Variants in ZFPL1 observed in about 807,000 individuals in gnomAD.
ZFPL1 encodes zinc finger protein-like 1.
ZFPL1 carries 28 observed loss-of-function variants against 32.0 expected under a neutral mutation model. The ratio of observed to expected loss-of-function variants is 0.87; its 90% CI spans 0.65 to 1.20. The LOEUF (loss-of-function observed/expected upper bound fraction) is 1.20, where lower values mean the gene tolerates loss of function less well. ZFPL1 is among the 50% of genes most tolerant of loss of function. ZFPL1 has a pLI of 0.00. For synonymous variants in ZFPL1, 165 were observed against 177.0 expected, an observed-to-expected ratio of 0.93 and a Z score of 0.54; for missense variants, 386 against 424.8, an observed-to-expected ratio of 0.91 and a Z score of 0.80.
chr11:65,086,341 G>A (rs1233296475), intron 3 of ZFPL1, 74 bp from the exon 4 acceptor site: 2 of 1,561,004 alleles, frequency 1.3e-6, no homozygotes, highest in Non-Finnish European at 1.8e-6. Context: ...AATGGTCTGG[G>A]GACTATTGCT....
Position 65,087,332 on chromosome 11 carries a change from T to C in ZFPL1, c.645T>C (p.Tyr215=). ...ACCCTGTAGCCCCTAGGAAGGTGTA[T>C]GATACGCGGGATGATGACCGGACAC... ...EPLTHAPRKV[Y]DTRDDDRTPG... is the part of the protein sequence containing the mutation. Residue 215 remains tyrosine, a synonymous_variant, in exon 7 of 8, where the codon TAT becomes TAC. Transcript: ENST00000294258. The C allele has an allele frequency of 6.2e-7, 1 of 1,614,076 alleles. No individual in the cohort carries two copies. The highest frequency in any genetic ancestry group is 8.5e-7 in the Non-Finnish European group (1 of 1,180,006).
intron 3 of ZFPL1, 79 bp from the exon 4 acceptor site, chr11:65,086,336 T>G (rs943909373): frequency 6.4e-7 from 1 of 1,562,502 alleles, no homozygotes; most frequent in Non-Finnish European, 8.8e-7. Flanking sequence ...CCTGCAATGG[T>G]CTGGGGACTA....
intron 7 of ZFPL1, 108 bp from the exon 8 acceptor site, chr11:65,087,820 C>A: frequency 8.3e-7 from 1 of 1,207,296 alleles, no homozygotes; most frequent in Non-Finnish European, 1.1e-6. Flanking sequence ...CCCTGAGGCA[C>A]AGACGAGGAG....
At chr11:65,084,531 G>C (rs974122382) in intron 1 of ZFPL1, 153 bp downstream of exon 1, 3 of 641,608 alleles carry the variant, frequency 4.7e-6, no homozygotes, top group Non-Finnish European at 8.0e-6. Context: ...GATTTATGCA[G>C]GGGGTGTTTC....
chr11:65,087,117 G>A, intron 6 of ZFPL1, 43 bp downstream of exon 6: 1 of 1,595,252 alleles, frequency 6.3e-7, no homozygotes. Context: ...ATAGGAAGAG[G>A]GTGGAATGGT....
chr11:65,088,349 C>G lies in ZFPL1; in HGVS notation c.*235C>G. Reference sequence around the variant, plus strand: ...CCCGGGTCTCCAGCCTCCGACCCCTCGCCCCATGAAGGAGCTGGCAGGTGG... The same window carrying G: ...CCCGGGTCTCCAGCCTCCGACCCCTGGCCCCATGAAGGAGCTGGCAGGTGG... On this transcript the variant is annotated 3_prime_UTR_variant, in exon 8 of 8. Transcript: ENST00000294258. The G allele has an allele frequency of 7.8e-7, 1 of 1,279,222 alleles. No individual in the cohort carries two copies. The highest frequency in any genetic ancestry group is 1.1e-6 in the Non-Finnish European group (1 of 913,428). The allele number at this position is 1,279,222 out of a possible 1,614,324, so 79.2% of individuals were successfully genotyped here.
chr11:65,086,122 TATG>T, intron 3 of ZFPL1: 1 of 497,892 alleles, frequency 2.0e-6, no homozygotes, highest in East Asian at 3.8e-5. Flanking sequence ...GCCCAAAGAA[TATG>T]ATGAGTGCAG....
In ZFPL1 at chr11:65,084,710, T is replaced by C. The variant is rs750651814; in HGVS notation, c.12T>C (p.Cys4=). The change falls in exon 2 of 8, where the codon TGT becomes TGC. Residue 4 remains cysteine, a synonymous_variant. Transcript: ENST00000294258. MGL[C]KCPKRKVTNL... ...TCCCAGGATCGATCATGGGGCTTTG[T>C]AAGTGCCCCAAGAGAAAGGTGACCA... The C allele has an allele frequency of 5.0e-6, 8 of 1,614,136 alleles. No individual in the cohort carries two copies. In the South Asian group the frequency reaches 7.7e-5, roughly 16 times the overall value.
Position 65,087,907 on chromosome 11 carries a change from AT to A in ZFPL1, c.747-17del. 1.3e-6 allele frequency: 2 copies of A among 1,542,306 alleles called. No individual in the cohort carries two copies. Among genetic ancestry groups the A allele is most frequent in the Non-Finnish European group, 8.6e-7 (1 of 1,158,984 alleles). On this transcript the variant is annotated intron_variant, in intron 7 of 7. Coordinates refer to ENST00000294258, the MANE Select transcript of ZFPL1 (RefSeq NM_006782.4). ...CCACCAGGGACTGGGGCCTGACCTG[AT>A]TTTCCCCTCATCCCCCCAGGAGCCG...
At chr11:65,085,026 C>G in intron 2 of ZFPL1, 89 bp from the exon 3 acceptor site, 1 of 1,312,584 alleles carries the variant, frequency 7.6e-7, no homozygotes, top group Non-Finnish European at 1.1e-6. Context: ...TGAGTCTCCT[C>G]TGTGGCTAGA....
rs140383986 is a variant in ZFPL1, at chr11:65,086,602, C to A, written c.402C>A (p.Leu134=). The change falls in exon 4 of 8, where the codon CTC becomes CTA. Residue 134 remains leucine (L), a synonymous_variant. Coordinates refer to ENST00000294258, the MANE Select transcript of ZFPL1 (RefSeq NM_006782.4). ...TVNWARAGLG[L]PLIDEVVSPE... ...ACTGGGCCCGGGCAGGACTGGGCCT[C>A]CCTCTGGTGAGAGTCCCTCGTCTGT... 6.2e-7 allele frequency: 1 copy of A among 1,613,866 alleles called. No individual in the cohort carries two copies. Among genetic ancestry groups the A allele is most frequent in the South Asian group, 1.1e-5 (1 of 91,054 alleles).
In ZFPL1 at chr11:65,087,396, C is replaced by T. The variant is rs775334314; in HGVS notation, c.709C>T (p.Arg237Cys). Reference sequence around the variant, plus strand: ...AGACTGTGACGATGACAAGTACCGACGTCGGCCGGCCTTGGGTTGGCTGGC... The same window carrying T: ...AGACTGTGACGATGACAAGTACCGATGTCGGCCGGCCTTGGGTTGGCTGGC... Reference protein sequence around the residue: ...HGDCDDDKYRRRPALGWLARL... With the variant: ...HGDCDDDKYRCRPALGWLARL... The change falls in exon 7 of 8, where the codon CGT becomes TGT. Residue 237 changes from arginine to cysteine, a missense_variant. By Grantham distance (180) the Arg-to-Cys change is radical. Coordinates refer to ENST00000294258, the MANE Select transcript of ZFPL1 (RefSeq NM_006782.4). The T allele has an allele frequency of 1.9e-6, 3 of 1,614,068 alleles. No homozygotes were observed.
At chr11:65,085,267 G>A in intron 3 of ZFPL1, 41 bp downstream of exon 3, 6 of 1,576,164 alleles carry the variant, frequency 3.8e-6, no homozygotes, top group Non-Finnish European at 5.2e-6. Context: ...CCAGCCTCAG[G>A]GGCCAGCTTG....
At position 65,084,392 on chromosome 11, in the gene ZFPL1, G is replaced by A. The variant is rs969342203; in HGVS notation, c.-9+14G>A. The A allele has an allele frequency of 9.4e-6, 5 of 533,082 alleles. No individual in the cohort carries two copies. The highest frequency in any genetic ancestry group is 7.7e-5 in the African/African-American group (4 of 52,098). 33.0% of individuals were successfully genotyped at this position (533,082 alleles called of 1,614,324 possible). A position where few individuals can be genotyped will look rare whatever the true frequency, so the allele number is the denominator to read the frequency against. On this transcript the variant is annotated intron_variant, in intron 1 of 7. Coordinates refer to ENST00000294258, the MANE Select transcript of ZFPL1 (RefSeq NM_006782.4). ...ACAGAGACTGGGGTCTGTAGAGAAG[G>A]GGCGGGACTTGGAGGGGGTGGGGCT...
intron 2 of ZFPL1, 117 bp downstream of exon 2, chr11:65,084,917 T>G (rs1454165305): frequency 7.9e-7 from 1 of 1,266,844 alleles, no homozygotes; most frequent in South Asian, 1.2e-5. Flanking sequence ...GGCAAGGACT[T>G]GATTTATTTT....
rs576105524 is a variant in ZFPL1, at chr11:65,084,794, C to T, written c.96C>T (p.His32=). ...NVCEHCLVAN[H]AKCIVQSYLQ... ...GCGAGCACTGCCTGGTAGCCAATCA[C>T]GCCAAGGTGGGGCCTTCAGGGGAGC... is the stretch of plus-strand genomic sequence containing the variant. The change falls in exon 2 of 8, where the codon CAC becomes CAT. Residue 32 remains histidine, a synonymous_variant. Transcript: ENST00000294258. 4.0e-5 allele frequency: 64 copies of T among 1,614,120 alleles called. 1 individual carries two copies. The South Asian group carries it at 6.0e-4, about 15-fold the overall frequency.
At chr11:65,085,298 C>A (rs1287206994) in intron 3 of ZFPL1, 72 bp downstream of exon 3, 1 of 1,357,956 alleles carries the variant, frequency 7.4e-7, no homozygotes, top group East Asian at 2.3e-5. Flanking sequence ...TCCAGGCCCT[C>A]CTCAAGCAGC....
In ZFPL1 at chr11:65,087,414, T is replaced by G. The variant is rs1367789389; in HGVS notation, c.727T>G (p.Trp243Gly). 6.2e-7 allele frequency: 1 copy of G among 1,613,992 alleles called. No individual in the cohort carries two copies. The highest frequency in any genetic ancestry group is 1.6e-4 in the Middle Eastern group (1 of 6,062). ...DKYRRRPALGWLARLLRSRAG... is the reference protein window; with the variant it reads ...DKYRRRPALGGLARLLRSRAG... ...GTACCGACGTCGGCCGGCCTTGGGT[T>G]GGCTGGCCCGGCTGCTAAGGTACAC... Residue 243 changes from tryptophan (W) to glycine (G), a missense_variant, in exon 7 of 8, where the codon TGG becomes GGG. Trp to Gly is a radical substitution (Grantham distance 184, BLOSUM62 -2). Transcript: ENST00000294258.
intron 3 of ZFPL1, chr11:65,085,535 T>TA (rs1947668790): frequency 2.3e-6 from 1 of 426,854 alleles, no homozygotes; most frequent in African/African-American, 2.0e-5. Context: ...GACTATTAGC[T>TA]AGCCAGACCG....
Sources: allele counts gnomAD v4.1 joint callset, GRCh38; gene constraint gnomAD v4.1.1; transcripts MANE v1.5; gene names NCBI Gene and HGNC (gene_info 2026-07-23, HGNC 2026-07-21).